Variants in PKP4 observed in about 807,000 individuals in gnomAD.
PKP4 encodes plakophilin-4.
PKP4 carries 90 observed loss-of-function variants against 145.1 expected under a neutral mutation model. The observed-to-expected ratio is 0.62, with a 90% CI of 0.52 to 0.74. The LOEUF (loss-of-function observed/expected upper bound fraction) is 0.74, where lower values mean the gene tolerates loss of function less well. Among genes scored for constraint, PKP4 ranks in the 30% least tolerant of loss-of-function variants. PKP4 has a pLI of 0.00. For missense variants in PKP4, 1,340 were observed against 1,482.7 expected, an observed-to-expected ratio of 0.90 and a Z score of 1.58; for synonymous variants, 563 against 577.2, an observed-to-expected ratio of 0.98 and a Z score of 0.35.
intron 1 of PKP4, among the ~76,000 whole-genome samples, chr2:158,486,311 T>C (rs1475071452): frequency 6.6e-6 from 1 of 152,202 alleles, no homozygotes; most frequent in African/African-American, 2.4e-5. Flanking sequence ...TCCTTTGAGA[T>C]TGTTACTAGA....
At chr2:158,610,825 C>T (rs2051077241) in intron 4 of PKP4, among the ~76,000 whole-genome samples, 1 of 152,170 alleles carries the variant, frequency 6.6e-6, no homozygotes. Flanking sequence ...TCCCTCCGCC[C>T]CAGCTCTTCC....
At chr2:158,473,023 A>G (rs1691841036) in intron 1 of PKP4, among the ~76,000 whole-genome samples, 2 of 152,250 alleles carry the variant, frequency 1.3e-5, no homozygotes, top group South Asian at 4.1e-4. Flanking sequence ...TTTTCAAAAA[A>G]GGACATCCAT....
intron 2 of PKP4, among the ~76,000 whole-genome samples, chr2:158,535,584 T>C (rs1242218483): frequency 6.6e-6 from 1 of 151,980 alleles, no homozygotes; most frequent in Non-Finnish European, 1.5e-5. Flanking sequence ...TAATTTTTAG[T>C]TTTTAATATT....
intron 1 of PKP4, among the ~76,000 whole-genome samples, chr2:158,488,498 G>A (rs1432832774): frequency 6.6e-6 from 1 of 152,094 alleles, no homozygotes; most frequent in Non-Finnish European, 1.5e-5. Flanking sequence ...ATAATGTGGG[G>A]AAGCAGTCAC....
At chr2:158,545,519 GT>G (rs2044941383) in intron 2 of PKP4, among the ~76,000 whole-genome samples, 1 of 152,152 alleles carries the variant, frequency 6.6e-6, no homozygotes, top group Non-Finnish European at 1.5e-5. Flanking sequence ...AGTCTAAGCA[GT>G]TGCAGAGGTT....
intron 17 of PKP4, among the ~76,000 whole-genome samples, chr2:158,671,837 T>C (rs1359369656): frequency 6.6e-6 from 1 of 152,138 alleles, no homozygotes; most frequent in Non-Finnish European, 1.5e-5. Flanking sequence ...TGGGCCATGC[T>C]GGGGAGAGGA....
At chr2:158,584,628 C>G (rs2105801967) in intron 3 of PKP4, among the ~76,000 whole-genome samples, 1 of 152,118 alleles carries the variant, frequency 6.6e-6, no homozygotes, top group East Asian at 1.9e-4. Flanking sequence ...TTGAAACTAG[C>G]CTGGCCAACA....
At chr2:158,486,834 G>C (rs1694235698) in intron 1 of PKP4, among the ~76,000 whole-genome samples, 1 of 152,220 alleles carries the variant, frequency 6.6e-6, no homozygotes, top group Admixed American at 6.5e-5. Flanking sequence ...TGAGCAGCTT[G>C]AGGCTGAATT....
Position 158,642,494 on chromosome 2 carries a change from G to T in PKP4, c.1704G>T (p.Arg568Ser). The change falls in exon 11 of 22, where the codon AGG becomes AGT. Residue 568 changes from arginine (R) to serine (S), a missense_variant. Transcript: ENST00000389759. Reference sequence around the variant, plus strand: ...AATATTTTTCATTCTAGGTGTGTAGGTTAGGGGGAATCAAGCATCTGGTTG... The same window carrying T: ...AATATTTTTCATTCTAGGTGTGTAGTTTAGGGGGAATCAAGCATCTGGTTG... The part of the protein sequence containing the change: ...GDNKVKMEVC[R>S]LGGIKHLVDL... 1 of 1,608,416 alleles carries T rather than the reference G, an allele frequency of 6.2e-7. No homozygotes were observed.
At chr2:158,480,237 T>TTTTTA (rs1298318089) in intron 1 of PKP4, among the ~76,000 whole-genome samples, 1 of 152,194 alleles carries the variant, frequency 6.6e-6, no homozygotes, top group African/African-American at 2.4e-5. Flanking sequence ...TATTTAGTTA[T>TTTTTA]TTTTATTTTA....
At position 158,674,406 on chromosome 2, in the gene PKP4, A is replaced by AT. The variant is rs1241238125; in HGVS notation, c.3127+413dup. Among the ~76,000 whole-genome samples the AT allele has an allele frequency of 2.6e-5, 4 of 152,120 alleles. No individual in the cohort carries two copies. The East Asian group carries it at 5.8e-4, about 22-fold the overall frequency. The stretch of plus-strand genomic sequence containing the variant: ...AAGGTTGGAATCTCCTCCAAAGTGA[A>AT]TTTTTTTAAGTTTTCTTAGTGAAAC... On this transcript the variant is annotated intron_variant, in intron 19 of 21. Transcript: ENST00000389759.
chr2:158,612,492 C>G (rs546961907), intron 4 of PKP4, among the ~76,000 whole-genome samples: 178 of 152,212 alleles, frequency 1.2e-3, no homozygotes, highest in African/African-American at 4.1e-3. Flanking sequence ...GATAGGATTT[C>G]TGTAACTGAA....
At chr2:158,606,335 T>C (rs542541733) in intron 4 of PKP4, among the ~76,000 whole-genome samples, 1 of 149,536 alleles carries the variant, frequency 6.7e-6, no homozygotes, top group East Asian at 2.0e-4. Flanking sequence ...CGAGACTCCT[T>C]CTCAAAAAAA....
intron 1 of PKP4, among the ~76,000 whole-genome samples, chr2:158,473,307 G>A (rs1423545866): frequency 1.3e-5 from 2 of 152,004 alleles, no homozygotes; most frequent in Non-Finnish European, 2.9e-5. Flanking sequence ...CCCACTACTG[G>A]GTATATACCC....
intron 3 of PKP4, among the ~76,000 whole-genome samples, chr2:158,579,636 C>A (rs2048158916): frequency 6.6e-6 from 1 of 151,876 alleles, no homozygotes; most frequent in South Asian, 2.1e-4. Context: ...TAAAAAATTA[C>A]AAAGAACATA....
intron 3 of PKP4, among the ~76,000 whole-genome samples, chr2:158,584,005 T>G (rs921317818): frequency 2.6e-5 from 4 of 152,102 alleles, no homozygotes; most frequent in Non-Finnish European, 4.4e-5. Flanking sequence ...CCAACAAGCG[T>G]TACATGACGG....
At chr2:158,624,794 T>G in intron 6 of PKP4, 84 bp from the exon 7 acceptor site, 3 of 1,020,688 alleles carry the variant, frequency 2.9e-6, no homozygotes, top group Non-Finnish European at 4.3e-6. Flanking sequence ...CATTCTGTAG[T>G]GAGCTATGTG....
At chr2:158,549,911 TATGCCTAATAA>T (rs2045442848) in intron 2 of PKP4, among the ~76,000 whole-genome samples, 2 of 152,210 alleles carry the variant, frequency 1.3e-5, no homozygotes, top group South Asian at 4.1e-4. Flanking sequence ...TACTTAAGAT[TATGCCTAATAA>T]ATGCATGGTT....
At position 158,680,473 on chromosome 2, in the gene PKP4, C is replaced by T. The variant is rs1424566833; in HGVS notation, c.3375C>T (p.Asn1125=). The T allele has an allele frequency of 1.2e-6, 2 of 1,612,472 alleles. No homozygotes were observed. Among genetic ancestry groups the T allele is most frequent in the Non-Finnish European group, 1.7e-6 (2 of 1,178,640 alleles). The change falls in exon 22 of 22, where the codon AAC becomes AAT. Residue 1125 remains asparagine (N), a synonymous_variant. Transcript: ENST00000389759. ...GTCAAGATGACTCCAACAGAAAGAA[C>T]TTTGATGCATACAGATTGTATTTGC... is the stretch of plus-strand genomic sequence containing the variant. ...YYSQDDSNRK[N]FDAYRLYLQS...
Sources: gnomAD v4.1 joint callset for allele counts (sites outside exome capture counted in the v4.1 genomes callset) on GRCh38, gnomAD v4.1.1 for gene constraint, MANE v1.5 for transcripts, NCBI Gene and HGNC (gene_info 2026-07-23, HGNC 2026-07-21) for gene names.